Variants in DNAJC1 observed in about 807,000 individuals in gnomAD.
The protein encoded by DNAJC1 is dnaJ homolog subfamily C member 1.
A neutral mutation model predicts 76.6 loss-of-function variants in DNAJC1; 58 were observed. The ratio of observed to expected loss-of-function variants is 0.76; its 90% CI spans 0.61 to 0.94. The LOEUF is 0.94. Ranked by LOEUF, DNAJC1 falls within the 40% of genes least tolerant of loss-of-function variation. DNAJC1 has a pLI of 0.00. For missense variants in DNAJC1, 689 were observed against 677.3 expected (o/e 1.02, Z -0.19); for synonymous variants, 258 against 267.9 (o/e 0.96, Z 0.36).
chr10:21,845,884 G>C (rs1835651837), intron 8 of DNAJC1, among the ~76,000 whole-genome samples: 1 of 152,122 alleles, frequency 6.6e-6, no homozygotes, highest in African/African-American at 2.4e-5. Context: ...TACATTAAAT[G>C]AGTCTATATT....
At chr10:21,787,619 G>T (rs1834628970) in intron 9 of DNAJC1, among the ~76,000 whole-genome samples, 1 of 152,170 alleles carries the variant, frequency 6.6e-6, no homozygotes, top group African/African-American at 2.4e-5. Flanking sequence ...AGAAACTCAG[G>T]ATAGCCACAT....
chr10:21,898,509 A>G (rs1001159706), intron 7 of DNAJC1, among the ~76,000 whole-genome samples: 3 of 152,062 alleles, frequency 2.0e-5, no homozygotes, highest in African/African-American at 7.2e-5. Flanking sequence ...CTTGATTATA[A>G]TAAATAAGCA....
intron 3 of DNAJC1, among the ~76,000 whole-genome samples, chr10:21,921,441 G>A (rs980737069): frequency 6.6e-6 from 1 of 151,904 alleles, no homozygotes; most frequent in African/African-American, 2.4e-5. Context: ...AAACTACGGT[G>A]GCTCAAGGCT....
chr10:21,897,314 G>A (rs535767524), intron 7 of DNAJC1, among the ~76,000 whole-genome samples: 31 of 152,004 alleles, frequency 2.0e-4, no homozygotes, highest in Non-Finnish European at 3.4e-4. Context: ...GTAATATATC[G>A]TATTAATACA....
chr10:21,872,985 CCT>C (rs540569609), intron 8 of DNAJC1, among the ~76,000 whole-genome samples: 77 of 152,248 alleles, frequency 5.1e-4, no homozygotes, highest in Middle Eastern at 3.4e-3. Flanking sequence ...AAGAACGACC[CCT>C]GACCTAACCG....
chr10:21,926,766 G>A (rs1410841637), intron 3 of DNAJC1, among the ~76,000 whole-genome samples: 3 of 152,142 alleles, frequency 2.0e-5, no homozygotes, highest in Non-Finnish European at 4.4e-5. Flanking sequence ...AAATACTACA[G>A]CTGTTTGTGT....
At chr10:21,786,463 T>TATAGAGAG (rs1332368009) in intron 9 of DNAJC1, among the ~76,000 whole-genome samples, 3 of 23,404 alleles carry the variant, frequency 1.3e-4, no homozygotes, top group Non-Finnish European at 1.5e-4. Context: ...TATATATATA[T>TATAGAGAG]AGAGAGAGAG....
chr10:21,941,623 C>G (rs1399848928), intron 1 of DNAJC1, among the ~76,000 whole-genome samples: 4 of 151,924 alleles, frequency 2.6e-5, no homozygotes, highest in Admixed American at 6.6e-5. Context: ...TTAAACTATT[C>G]TCTCTACTAC....
intron 9 of DNAJC1, among the ~76,000 whole-genome samples, chr10:21,771,586 C>T (rs1342129546): frequency 6.6e-6 from 1 of 152,144 alleles, no homozygotes; most frequent in Non-Finnish European, 1.5e-5. Context: ...GCAACCTCTG[C>T]CTCTGGGTTC....
intron 9 of DNAJC1, among the ~76,000 whole-genome samples, chr10:21,778,880 T>C (rs1226939520): frequency 2.6e-5 from 4 of 152,076 alleles, no homozygotes; most frequent in Non-Finnish European, 4.4e-5. Flanking sequence ...ACCTGGAAAA[T>C]TGGGTCACTC....
chr10:21,874,493 A>G (rs758501398), intron 8 of DNAJC1, among the ~76,000 whole-genome samples: 15 of 152,178 alleles, frequency 9.9e-5, no homozygotes, highest in Non-Finnish European at 1.3e-4. Context: ...CACTACAAAT[A>G]AGCCATGAGA....
At chr10:21,794,366 T>C (rs1315883945) in intron 9 of DNAJC1, among the ~76,000 whole-genome samples, 1 of 151,910 alleles carries the variant, frequency 6.6e-6, no homozygotes, top group Non-Finnish European at 1.5e-5. Context: ...AGAACCAGAT[T>C]TGCATATTGA....
chr10:21,862,007 C>G (rs1486845959), intron 8 of DNAJC1, among the ~76,000 whole-genome samples: 2 of 152,226 alleles, frequency 1.3e-5, no homozygotes, highest in South Asian at 2.1e-4. Flanking sequence ...CAACCTCCAC[C>G]TCCCAGGTTC....
intron 1 of DNAJC1, among the ~76,000 whole-genome samples, chr10:21,955,998 G>A (rs2131812405): frequency 6.6e-6 from 1 of 152,100 alleles, no homozygotes; most frequent in East Asian, 1.9e-4. Flanking sequence ...AGTATATACA[G>A]GCCAATCTCA....
intron 6 of DNAJC1, among the ~76,000 whole-genome samples, chr10:21,918,368 A>G (rs114148887): frequency 0.011 from 1,349 of 126,518 alleles, 24 homozygotes; most frequent in African/African-American, 0.036. Flanking sequence ...ACAGATGTTC[A>G]TGTAAAGTTT....
chr10:21,845,048 A>AT (rs1437201094), intron 8 of DNAJC1, among the ~76,000 whole-genome samples: 1 of 152,184 alleles, frequency 6.6e-6, no homozygotes, highest in Non-Finnish European at 1.5e-5. Flanking sequence ...CAAAAAATTT[A>AT]TATGTGTACA....
intron 9 of DNAJC1, among the ~76,000 whole-genome samples, chr10:21,791,042 C>T (rs1430934454): frequency 6.6e-6 from 1 of 151,962 alleles, no homozygotes; most frequent in Admixed American, 6.6e-5. Flanking sequence ...AAAAGATACT[C>T]CATGCAAAAG....
chr10:21,890,584 G>A (rs772543172), intron 7 of DNAJC1, among the ~76,000 whole-genome samples: 4 of 152,022 alleles, frequency 2.6e-5, no homozygotes, highest in Non-Finnish European at 5.9e-5. Context: ...TTTCAGTGGA[G>A]GCCTAGAGGC....
At chr10:21,947,365 C>T (rs911574397) in intron 1 of DNAJC1, among the ~76,000 whole-genome samples, 10 of 152,056 alleles carry the variant, frequency 6.6e-5, no homozygotes, top group African/African-American at 2.4e-4. Flanking sequence ...TCCTGACTCC[C>T]GTTCCACTTC....
Sources: allele counts gnomAD v4.1 joint callset (sites outside exome capture counted in the v4.1 genomes callset), GRCh38; gene constraint gnomAD v4.1.1; transcripts MANE v1.5; gene names NCBI Gene and HGNC (gene_info 2026-07-23, HGNC 2026-07-21).